The following PPM1L variants were observed in gnomAD, a reference collection of about 807,000 sequenced individuals.
PPM1L encodes protein phosphatase, Mg2+/Mn2+ dependent 1L, also known as protein phosphatase 1L.
Under a neutral mutation model 31.4 loss-of-function variants are expected in PPM1L, and 13 were observed. The ratio of observed to expected loss-of-function variants is 0.41; its 90% confidence interval spans 0.27 to 0.66. The LOEUF (loss-of-function observed/expected upper bound fraction) is 0.66, where lower values mean the gene tolerates loss of function less well. Among genes scored for constraint, PPM1L ranks in the 30% least tolerant of loss-of-function variants. The pLI, the probability that PPM1L is intolerant of heterozygous loss-of-function variation, is 0.29. For synonymous variants in PPM1L, 184 were observed against 175.4 expected (o/e 1.05, Z -0.39); for missense variants, 326 against 453.7 (o/e 0.72, Z 2.56).
chr3:160,886,239 T>C (rs1712912178), intron 1 of PPM1L, among the ~76,000 whole-genome samples: 1 of 152,212 alleles, frequency 6.6e-6, no homozygotes, highest in Non-Finnish European at 1.5e-5. Flanking sequence ...GAGGGATGGC[T>C]GTAGTCTCTG....
intron 2 of PPM1L, among the ~76,000 whole-genome samples, chr3:160,993,571 T>C (rs1042232729): frequency 9.9e-5 from 15 of 152,102 alleles, no homozygotes; most frequent in Non-Finnish European, 1.5e-4. Flanking sequence ...TCTGCTTGCA[T>C]TGGGTGAATT....
chr3:160,996,641 A>T (rs575740826), intron 2 of PPM1L, among the ~76,000 whole-genome samples: 1 of 152,192 alleles, frequency 6.6e-6, no homozygotes, highest in African/African-American at 2.4e-5. Context: ...CCTGGGGGAG[A>T]GGGTGAGAGG....
chr3:160,971,741 C>T (rs1716348934), intron 2 of PPM1L, among the ~76,000 whole-genome samples: 2 of 152,046 alleles, frequency 1.3e-5, no homozygotes, highest in Non-Finnish European at 2.9e-5. Context: ...CCAATTCTTG[C>T]CTTCTGCCAT....
chr3:160,860,735 A>G (rs1157522639), intron 1 of PPM1L, among the ~76,000 whole-genome samples: 1 of 152,170 alleles, frequency 6.6e-6, no homozygotes, highest in Non-Finnish European at 1.5e-5. Context: ...GGAGGCTGGG[A>G]AGTCCAAGAT....
At chr3:161,056,949 G>C (rs1473788382) in intron 2 of PPM1L, among the ~76,000 whole-genome samples, 1 of 152,064 alleles carries the variant, frequency 6.6e-6, no homozygotes, top group South Asian at 2.1e-4. Flanking sequence ...TGTAATCCCA[G>C]CTACTTGGGA....
At chr3:160,896,596 A>C (rs1206356322) in intron 1 of PPM1L, among the ~76,000 whole-genome samples, 1 of 152,260 alleles carries the variant, frequency 6.6e-6, no homozygotes, top group East Asian at 1.9e-4. Context: ...CCTTTTAAAA[A>C]GTAAATGCAG....
rs1271906946 is a variant in PPM1L at position 161,074,368 on chromosome 3, A to AGATT, written c.*5212_*5215dup. 2.0e-5 allele frequency: 3 copies of AGATT among 152,264 alleles called. No homozygotes were observed. Among genetic ancestry groups the AGATT allele is most frequent in the Non-Finnish European group, 4.4e-5 (3 of 68,054 alleles). The allele number at this position is 152,264 out of a possible 1,614,324, so 9.4% of individuals were successfully genotyped here. On this transcript the variant is annotated 3_prime_UTR_variant, in exon 4 of 4. Transcript: ENST00000498165. The stretch of plus-strand genomic sequence containing the variant: ...AGAAATAGGTTTGGGAAGCTATGAG[A>AGATT]GATTACCCCAAAGTCATGGATGAAA...
At position 160,772,942 on chromosome 3, in the gene PPM1L, A is replaced by G. The variant is rs532458900; in HGVS notation, c.399+16235A>G. On this transcript the variant is annotated intron_variant, in intron 1 of 3. Coordinates refer to ENST00000498165, the MANE Select transcript of PPM1L (RefSeq NM_139245.4). ...CTGAATAGTATCCCATTGTATGGAT[A>G]TATATCAAAATTTGTTTGTTCATCA... is the stretch of plus-strand genomic sequence containing the variant. Among the ~76,000 whole-genome samples, 36 of 152,140 alleles carry G rather than the reference A, an allele frequency of 2.4e-4. No homozygotes were observed. The South Asian group carries it at 7.3e-3, about 31-fold the overall frequency.
At chr3:161,037,778 G>C (rs1021624323) in intron 2 of PPM1L, among the ~76,000 whole-genome samples, 12 of 151,870 alleles carry the variant, frequency 7.9e-5, no homozygotes, top group Middle Eastern at 3.4e-3. Flanking sequence ...ACAAGCTCAT[G>C]AGAGATCCTG....
intron 1 of PPM1L, among the ~76,000 whole-genome samples, chr3:160,846,340 A>G (rs1306626844): frequency 6.6e-6 from 1 of 152,056 alleles, no homozygotes; most frequent in Non-Finnish European, 1.5e-5. Context: ...GCCTCTTTGC[A>G]GTTATTTTGC....
At chr3:161,024,488 C>T (rs58739937) in intron 2 of PPM1L, among the ~76,000 whole-genome samples, 3,799 of 152,018 alleles carry the variant, frequency 0.025, 78 homozygotes, top group South Asian at 0.044. Flanking sequence ...CACCTGAGGT[C>T]GGGAGTTCGA....
intron 1 of PPM1L, among the ~76,000 whole-genome samples, chr3:160,780,431 T>C (rs186654483): frequency 6.6e-6 from 1 of 152,336 alleles, no homozygotes; most frequent in Admixed American, 6.5e-5. Flanking sequence ...TACTTGTACC[T>C]GGCAAAGGCT....
At chr3:160,987,674 T>G (rs1717008124) in intron 2 of PPM1L, among the ~76,000 whole-genome samples, 1 of 152,234 alleles carries the variant, frequency 6.6e-6, no homozygotes, top group African/African-American at 2.4e-5. Flanking sequence ...GGCTCTCAAG[T>G]TTGAAGCTTC....
intron 1 of PPM1L, among the ~76,000 whole-genome samples, chr3:160,763,215 G>A (rs1576627139): frequency 1.3e-5 from 2 of 152,160 alleles, no homozygotes; most frequent in Non-Finnish European, 2.9e-5. Flanking sequence ...TTTGCAGGTG[G>A]AGAGCACTTC....
chr3:160,931,712 A>G (rs1714792931), intron 1 of PPM1L, among the ~76,000 whole-genome samples: 1 of 152,180 alleles, frequency 6.6e-6, no homozygotes, highest in Admixed American at 6.5e-5. Flanking sequence ...AAAATTAAAT[A>G]CCATTAGTCA....
chr3:160,815,758 A>T (rs1413492339), intron 1 of PPM1L, among the ~76,000 whole-genome samples: 1 of 152,158 alleles, frequency 6.6e-6, no homozygotes, highest in Non-Finnish European at 1.5e-5. Context: ...GAGAAGGGGA[A>T]GGGTGAAGAA....
chr3:161,030,731 C>T (rs923558227), intron 2 of PPM1L, among the ~76,000 whole-genome samples: 1 of 152,062 alleles, frequency 6.6e-6, no homozygotes, highest in African/African-American at 2.4e-5. Flanking sequence ...TCTCCTTCCC[C>T]ATAGATAGCA....
intron 1 of PPM1L, among the ~76,000 whole-genome samples, chr3:160,792,748 G>A (rs1489068998): frequency 6.6e-6 from 1 of 152,134 alleles, no homozygotes; most frequent in Non-Finnish European, 1.5e-5. Context: ...TAATTTGCTA[G>A]AATGATTCAC....
chr3:160,847,726 C>G (rs1208109357), intron 1 of PPM1L, among the ~76,000 whole-genome samples: 3 of 152,136 alleles, frequency 2.0e-5, no homozygotes, highest in Admixed American at 6.6e-5. Flanking sequence ...AACAAATGCC[C>G]AAGCCTTATT....
Sources: gnomAD v4.1 joint callset for allele counts (sites outside exome capture counted in the v4.1 genomes callset) on GRCh38, gnomAD v4.1.1 for gene constraint, MANE v1.5 for transcripts, NCBI Gene and HGNC (gene_info 2026-07-23, HGNC 2026-07-21) for gene names.